Variants in TNFSF4 observed in about 807,000 individuals in gnomAD.
TNFSF4 encodes TNF superfamily member 4.
A neutral mutation model predicts 7.3 loss-of-function variants in TNFSF4; 4 were observed. That is an observed-to-expected ratio of 0.55 (90% CI 0.27 to 1.25). TNFSF4 has a LOEUF of 1.25. TNFSF4 is among the 50% of genes most tolerant of loss of function. TNFSF4 has a pLI of 0.12. For synonymous variants in TNFSF4, 76 were observed against 83.7 expected, an observed-to-expected ratio of 0.91 and a Z score of 0.50; for missense variants, 181 against 208.8, an observed-to-expected ratio of 0.87 and a Z score of 0.82.
chr1:173,414,887 C>T, the TNFSF4 span, among the ~76,000 whole-genome samples: 1 of 152,216 alleles, frequency 6.6e-6, no homozygotes, highest in African/African-American at 2.4e-5. Context: ...AAACTTTAGT[C>T]GGGTTCCCTG....
chr1:173,278,790 G>T, the TNFSF4 span, among the ~76,000 whole-genome samples: 1 of 151,976 alleles, frequency 6.6e-6, no homozygotes, highest in Admixed American at 6.6e-5. Context: ...TTGATATGAT[G>T]ATATGATTTA....
chr1:173,317,110 T>A, the TNFSF4 span, among the ~76,000 whole-genome samples: 1 of 152,168 alleles, frequency 6.6e-6, no homozygotes, highest in Non-Finnish European at 1.5e-5. Context: ...AGCTTTGAGC[T>A]GCCATGTTAG....
At chr1:173,317,431 G>A in the TNFSF4 span, among the ~76,000 whole-genome samples, 3 of 152,188 alleles carry the variant, frequency 2.0e-5, no homozygotes, top group Non-Finnish European at 4.4e-5. Flanking sequence ...TTGGTGCTAG[G>A]ATTAACAACG....
chr1:173,258,650 G>T, the TNFSF4 span, among the ~76,000 whole-genome samples: 7 of 152,202 alleles, frequency 4.6e-5, no homozygotes, highest in Non-Finnish European at 4.4e-5. Flanking sequence ...CGTGGCTCCA[G>T]TCTGTCCTAC....
At chr1:173,360,943 C>A in the TNFSF4 span, among the ~76,000 whole-genome samples, 7 of 152,012 alleles carry the variant, frequency 4.6e-5, no homozygotes, top group African/African-American at 1.7e-4. Flanking sequence ...CCTGAACAGC[C>A]CTATGATGGA....
At chr1:173,437,685 T>A in the TNFSF4 span, among the ~76,000 whole-genome samples, 2 of 152,192 alleles carry the variant, frequency 1.3e-5, no homozygotes, top group African/African-American at 4.8e-5. Context: ...TTCATTTTTA[T>A]CACATGCTAA....
At chr1:173,238,460 T>A in the TNFSF4 span, among the ~76,000 whole-genome samples, 2 of 149,162 alleles carry the variant, frequency 1.3e-5, no homozygotes, top group Non-Finnish European at 3.0e-5. Context: ...ACTGTCAGAG[T>A]AAACAGGCAA....
downstream of TNFSF4, among the ~76,000 whole-genome samples, chr1:173,182,560 C>G (rs576576038): frequency 4.6e-5 from 7 of 152,336 alleles, no homozygotes; most frequent in Admixed American, 6.5e-5. Flanking sequence ...AATTATACCA[C>G]TTACCTCAAA....
chr1:173,234,621 AAG>A, the TNFSF4 span, among the ~76,000 whole-genome samples: 2 of 152,244 alleles, frequency 1.3e-5, no homozygotes, highest in African/African-American at 2.4e-5. Flanking sequence ...AGCCATAAAA[AAG>A]GATGAGTTAG....
At chr1:173,283,481 A>G in the TNFSF4 span, among the ~76,000 whole-genome samples, 2 of 152,170 alleles carry the variant, frequency 1.3e-5, no homozygotes, top group South Asian at 4.1e-4. Context: ...AAATGGTCTC[A>G]GTTTGGCAAC....
the TNFSF4 span, among the ~76,000 whole-genome samples, chr1:173,216,327 C>T: frequency 6.6e-6 from 1 of 152,072 alleles, no homozygotes; most frequent in Non-Finnish European, 1.5e-5. Flanking sequence ...GAAAGCTTTC[C>T]ACTTACTCAT....
chr1:173,327,180 T>G, the TNFSF4 span, among the ~76,000 whole-genome samples: 1 of 152,020 alleles, frequency 6.6e-6, no homozygotes, highest in Admixed American at 6.6e-5. Context: ...TATAGACCAA[T>G]GGAACAGAAC....
At chr1:173,232,124 T>C in the TNFSF4 span, among the ~76,000 whole-genome samples, 2 of 152,210 alleles carry the variant, frequency 1.3e-5, no homozygotes, top group Non-Finnish European at 2.9e-5. Context: ...TCCGTTTGCT[T>C]GTGTCCTCTT....
chr1:173,440,332 A>G, the TNFSF4 span: 3 of 152,084 alleles, frequency 2.0e-5, no homozygotes, highest in Non-Finnish European at 4.4e-5. Flanking sequence ...GATTTACTTT[A>G]TACAATGACA....
At chr1:173,432,977 G>C in the TNFSF4 span, among the ~76,000 whole-genome samples, 1 of 152,236 alleles carries the variant, frequency 6.6e-6, no homozygotes, top group East Asian at 1.9e-4. Context: ...GTGAAAATAT[G>C]TATGTATGTA....
At chr1:173,296,477 T>C in the TNFSF4 span, among the ~76,000 whole-genome samples, 69 of 152,060 alleles carry the variant, frequency 4.5e-4, 1 homozygote, top group African/African-American at 1.6e-3. Flanking sequence ...AGAGTTTTCA[T>C]AGTAATCTAA....
At chr1:173,297,321 A>T in the TNFSF4 span, among the ~76,000 whole-genome samples, 10 of 151,986 alleles carry the variant, frequency 6.6e-5, no homozygotes, top group African/African-American at 2.4e-4. Context: ...AACACACGAA[A>T]AAAAAAGATC....
intron 1 of TNFSF4, among the ~76,000 whole-genome samples, chr1:173,193,365 C>T (rs949754283): frequency 1.3e-5 from 2 of 152,068 alleles, no homozygotes. Context: ...AATGCAAATG[C>T]TCCTAAGTAT....
At chr1:173,392,572 C>G in the TNFSF4 span, among the ~76,000 whole-genome samples, 1 of 152,182 alleles carries the variant, frequency 6.6e-6, no homozygotes, top group East Asian at 1.9e-4. Flanking sequence ...ACTCATTGAG[C>G]ACACATTTAC....
Sources: gnomAD v4.1 joint callset for allele counts (sites outside exome capture counted in the v4.1 genomes callset) on GRCh38, gnomAD v4.1.1 for gene constraint, MANE v1.5 for transcripts, NCBI Gene and HGNC (gene_info 2026-07-23, HGNC 2026-07-21) for gene names.